Variants in ACSS3 observed in about 807,000 individuals in gnomAD.
ACSS3 encodes acyl-CoA synthetase short chain family member 3.
Under a neutral mutation model 84.2 loss-of-function variants are expected in ACSS3, and 64 were observed. The observed-to-expected ratio is 0.76, with a 90% confidence interval of 0.62 to 0.94. The LOEUF (loss-of-function observed/expected upper bound fraction) is 0.94. Among genes scored for constraint, ACSS3 ranks in the 40% least tolerant of loss-of-function variants. The pLI is 0.00. For synonymous variants in ACSS3, 317 were observed against 310.1 expected, an observed-to-expected ratio of 1.02 and a Z score of -0.23; for missense variants, 815 against 867.6, an observed-to-expected ratio of 0.94 and a Z score of 0.76.
At chr12:81,162,754 C>T (rs1887215461) in intron 7 of ACSS3, among the ~76,000 whole-genome samples, 1 of 152,172 alleles carries the variant, frequency 6.6e-6, no homozygotes, top group Non-Finnish European at 1.5e-5. Flanking sequence ...GAACCATCCT[C>T]AGCCCCCTTT....
At chr12:81,235,742 C>G (rs1418591243) in intron 13 of ACSS3, among the ~76,000 whole-genome samples, 1 of 151,324 alleles carries the variant, frequency 6.6e-6, no homozygotes, top group East Asian at 1.9e-4. Context: ...AGCTATTATA[C>G]ATTTTTTAAA....
chr12:81,254,491 T>C (rs2034246974), intron 15 of ACSS3, among the ~76,000 whole-genome samples: 2 of 152,238 alleles, frequency 1.3e-5, no homozygotes, highest in Non-Finnish European at 2.9e-5. Context: ...TGTGCAAAGA[T>C]ATACCTATTT....
intron 1 of ACSS3, among the ~76,000 whole-genome samples, chr12:81,104,509 G>C (rs1362405654): frequency 6.6e-6 from 1 of 152,098 alleles, no homozygotes; most frequent in Non-Finnish European, 1.5e-5. Context: ...TCCCTTGGTG[G>C]GGTCAGATTA....
chr12:81,171,606 A>G (rs2030049672), intron 7 of ACSS3, among the ~76,000 whole-genome samples: 1 of 152,290 alleles, frequency 6.6e-6, no homozygotes. Context: ...GTAATGCTAC[A>G]TTATCATGAT....
rs1403415163 is a variant in ACSS3 at position 81,107,511 on chromosome 12, C to CACACATATATATATAT, written c.312-2048_312-2047insCACATATATATATATA. 5.9e-4 allele frequency among the ~76,000 whole-genome samples: 23 copies of CACACATATATATATAT among 38,834 alleles called. 1 individual carries two copies. Among genetic ancestry groups the CACACATATATATATAT allele is most frequent in the African/African-American group, 1.8e-3 (21 of 11,730 alleles). 25.5% of individuals were successfully genotyped at this position (38,834 alleles called of 152,430 possible). ...TTTTTTTTTCAGGTACAAATATATA[C>CACACATATATATATAT]ATATATATATATATATATATATATA... On this transcript the variant is annotated intron_variant, in intron 1 of 15. Transcript: ENST00000548058.
chr12:81,233,430 A>C lies in ACSS3; in HGVS notation c.1678A>C (p.Asn560His). ...YVMSRVDDVINVAGHRISAGA... is the reference protein window; with the variant it reads ...YVMSRVDDVIHVAGHRISAGA... ...TATGTCTCGAGTGGATGATGTAATA[A>C]ATGTTGCAGGTCACAGAATTTCTGC... Residue 560 changes from asparagine (N) to histidine (H), a missense_variant, in exon 13 of 16, where the codon AAT (asparagine) becomes CAT (histidine). Asn to His is a moderately conservative substitution (Grantham distance 68). Transcript: ENST00000548058. 1 of 1,611,176 alleles carries C rather than the reference A, an allele frequency of 6.2e-7. No individual in the cohort carries two copies.
intron 2 of ACSS3, among the ~76,000 whole-genome samples, chr12:81,133,606 C>G (rs1260489842): frequency 6.6e-6 from 1 of 152,024 alleles, no homozygotes; most frequent in Non-Finnish European, 1.5e-5. Context: ...CTGTTGCTTT[C>G]TTAGTGAGCT....
chr12:81,106,093 G>C (rs1237609721), intron 1 of ACSS3, among the ~76,000 whole-genome samples: 1 of 152,164 alleles, frequency 6.6e-6, no homozygotes, highest in Non-Finnish European at 1.5e-5. Flanking sequence ...CAACCCTAGG[G>C]CCATGGACTG....
chr12:81,207,645 T>A (rs2032402958), intron 9 of ACSS3, among the ~76,000 whole-genome samples: 1 of 152,130 alleles, frequency 6.6e-6, no homozygotes, highest in African/African-American at 2.4e-5. Flanking sequence ...TGTAAATAAT[T>A]CAGATTCAAA....
intron 11 of ACSS3, among the ~76,000 whole-genome samples, chr12:81,222,317 A>G (rs1403135620): frequency 6.6e-6 from 1 of 152,078 alleles, no homozygotes; most frequent in Non-Finnish European, 1.5e-5. Context: ...TGTATTAGAA[A>G]GGTAAGGTAG....
In ACSS3 at chr12:81,209,444, C is replaced by A. The variant is rs148770745; in HGVS notation, c.1355-7457C>A. ...TGGCAGCTTAAAACAACAACCATAT[C>A]TCATGATTTTGTGGATCATAGGCAG... On this transcript the variant is annotated intron_variant, in intron 9 of 15. Coordinates refer to ENST00000548058, the MANE Select transcript of ACSS3 (RefSeq NM_024560.4). Among the ~76,000 whole-genome samples the A allele has an allele frequency of 2.1e-3, 319 of 151,218 alleles. 1 individual carries two copies. The highest frequency in any genetic ancestry group is 7.0e-3 in the African/African-American group (290 of 41,194).
rs34512313 is a variant in ACSS3 at position 81,100,216 on chromosome 12, G to GTTTTTTTT, written c.312-9328_312-9321dup. The stretch of plus-strand genomic sequence containing the variant: ...GGCAAGGACAAATGCAAAATTACCA[G>GTTTTTTTT]TTTTTTTTTTTTTTTTTTTTTTTGA... On this transcript the variant is annotated intron_variant, in intron 1 of 15. Coordinates refer to ENST00000548058, the MANE Select transcript of ACSS3 (RefSeq NM_024560.4). 1.0e-4 allele frequency among the ~76,000 whole-genome samples: 11 copies of GTTTTTTTT among 106,560 alleles called. No homozygotes were observed. In the East Asian group the frequency reaches 1.1e-3, roughly 11 times the overall value. The allele number at this position is 106,560 out of a possible 152,430, so 69.9% of individuals were successfully genotyped here.
chr12:81,171,334 CTA>C (rs2030029894), intron 7 of ACSS3, among the ~76,000 whole-genome samples: 1 of 152,110 alleles, frequency 6.6e-6, no homozygotes, highest in East Asian at 1.9e-4. Flanking sequence ...AATCATCAGA[CTA>C]TTTTTGAAAC....
At chr12:81,126,882 A>G (rs889144141) in intron 2 of ACSS3, among the ~76,000 whole-genome samples, 5 of 152,044 alleles carry the variant, frequency 3.3e-5, no homozygotes, top group Non-Finnish European at 7.4e-5. Context: ...TCATTTGAAG[A>G]AAATTATTTG....
At chr12:81,190,856 CT>C (rs1332969994) in intron 8 of ACSS3, among the ~76,000 whole-genome samples, 3 of 152,066 alleles carry the variant, frequency 2.0e-5, no homozygotes, top group African/African-American at 7.2e-5. Flanking sequence ...ACTTTTCCCC[CT>C]CTTATTGTAT....
intron 8 of ACSS3, among the ~76,000 whole-genome samples, chr12:81,195,607 T>G (rs528149181): frequency 6.6e-6 from 1 of 152,176 alleles, no homozygotes; most frequent in East Asian, 1.9e-4. Context: ...TTTTTTTTCC[T>G]AGTCTCTGTC....
At chr12:81,243,122 G>C (rs1368255520) in intron 13 of ACSS3, among the ~76,000 whole-genome samples, 2 of 151,670 alleles carry the variant, frequency 1.3e-5, no homozygotes, top group Admixed American at 1.3e-4. Context: ...ATTGTCTCAG[G>C]CCAAAATCTC....
At chr12:81,242,063 A>G (rs1277589756) in intron 13 of ACSS3, among the ~76,000 whole-genome samples, 1 of 152,116 alleles carries the variant, frequency 6.6e-6, no homozygotes, top group African/African-American at 2.4e-5. Flanking sequence ...ATGGCTAGCC[A>G]GTTTTCCCAG....
At chr12:81,251,450 T>TG (rs1279025797) in intron 13 of ACSS3, among the ~76,000 whole-genome samples, 1 of 152,068 alleles carries the variant, frequency 6.6e-6, no homozygotes, top group African/African-American at 2.4e-5. Context: ...CTTTTGATAA[T>TG]GGGGGAGGCT....
Sources: gnomAD v4.1 joint callset for allele counts (sites outside exome capture counted in the v4.1 genomes callset) on GRCh38, gnomAD v4.1.1 for gene constraint, MANE v1.5 for transcripts, NCBI Gene and HGNC (gene_info 2026-07-23, HGNC 2026-07-21) for gene names.